Variants in IRAK1 observed in about 807,000 individuals in gnomAD.
The protein encoded by IRAK1 is interleukin-1 receptor-associated kinase 1.
In IRAK1, 9 loss-of-function variants were observed where a neutral mutation model predicts 49.8. The ratio of observed to expected loss-of-function variants is 0.18; its 90% CI spans 0.11 to 0.32. The LOEUF is 0.32. IRAK1 is among the 10% of genes least tolerant of loss of function. IRAK1 has a pLI of 1.00. For synonymous variants in IRAK1, 282 were observed against 270.8 expected (o/e 1.04, Z -0.41); for missense variants, 418 against 600.5 (o/e 0.70, Z 3.18).
chrX:154,010,939 A>G lies in IRAK1; in HGVS notation c.*920T>C, dbSNP rs1299231724. The stretch of plus-strand genomic sequence containing the variant: ...GATGGCCTGGCTTGCAGGCCACCAC[A>G]TTAGGCCAGCTCGCAGGTCCCCAGT... On this transcript the variant is annotated 3_prime_UTR_variant, in exon 14 of 14. Transcript: ENST00000369980. 2.1e-5 allele frequency: 7 copies of G among 340,573 alleles called. No individual in the cohort carries two copies. The highest frequency in any genetic ancestry group is 4.1e-5 in the Non-Finnish European group (7 of 169,819). The allele number at this position is 340,573 out of a possible 1,213,427, so 28.1% of individuals were successfully genotyped here. A position where few individuals can be genotyped will look rare whatever the true frequency, so the allele number is the denominator to read the frequency against.
intron 6 of IRAK1, 76 bp from the exon 7 acceptor site, chrX:154,018,196 G>C: frequency 9.5e-7 from 1 of 1,053,575 alleles, no homozygotes; most frequent in South Asian, 1.9e-5. Flanking sequence ...AGCTCGCCCG[G>C]GCCTGCCAGG....
At chrX:154,012,759 G>A in intron 12 of IRAK1, 81 bp from the exon 13 acceptor site, 1 of 1,060,429 alleles carries the variant, frequency 9.4e-7, no homozygotes, top group Non-Finnish European at 1.3e-6. Context: ...CCTGGCCTCA[G>A]GCCTGAATTC....
Position 154,011,573 on chromosome X carries a change from C to T in IRAK1, c.*286G>A, listed in dbSNP as rs1446955763. ...ACACCCCTGCACAGCAGCCCCTCTC[C>T]TCCCCTCACGGGTCTGTGCAGCCAG... On this transcript the variant is annotated 3_prime_UTR_variant, in exon 14 of 14. Transcript: ENST00000369980. 1 of 408,208 alleles carries T rather than the reference C, an allele frequency of 2.4e-6. No homozygotes were observed. Among genetic ancestry groups the T allele is most frequent in the Non-Finnish European group, 4.4e-6 (1 of 228,032 alleles). 33.6% of individuals were successfully genotyped at this position (408,208 alleles called of 1,213,427 possible).
chrX:154,016,214 G>A, intron 9 of IRAK1, 117 bp from the exon 10 acceptor site: 2 of 675,389 alleles, frequency 3.0e-6, no homozygotes, highest in South Asian at 2.3e-5. Flanking sequence ...GATGTTATGG[G>A]ACTGAAGCTC....
chrX:154,018,626 C>T lies in IRAK1; in HGVS notation c.702G>A (p.Thr234=), dbSNP rs1356710010. ...CCTTCAGCCTCTTCACAGCATACAC[C>T]GTGTTCCTCATCACCGCCCGGTACA... ...GCVYRAVMRN[T]VYAVKRLKEN... Residue 234 remains threonine, a synonymous_variant, in exon 5 of 14, where the codon ACG becomes ACA. Transcript: ENST00000369980. 8.3e-6 allele frequency: 10 copies of T among 1,209,757 alleles called. No individual in the cohort carries two copies. Among genetic ancestry groups the T allele is most frequent in the Non-Finnish European group, 1.1e-5 (10 of 893,877 alleles).
intron 10 of IRAK1, 24 bp downstream of exon 10, chrX:154,016,008 C>T: frequency 8.4e-7 from 1 of 1,189,941 alleles, no homozygotes; most frequent in Non-Finnish European, 1.1e-6. Flanking sequence ...TGTGTCCCTC[C>T]TGGCCCTGCC....
At chrX:154,016,892 G>T in intron 8 of IRAK1, 57 bp downstream of exon 8, 3 of 900,867 alleles carry the variant, frequency 3.3e-6, no homozygotes, top group Non-Finnish European at 4.9e-6. Flanking sequence ...TTGATAGGAC[G>T]CGGGGCCCCC....
At chrX:154,014,411 T>C (rs2065725001) in intron 10 of IRAK1, 133 bp from the exon 11 acceptor site, 5 of 678,881 alleles carry the variant, frequency 7.4e-6, no homozygotes, top group Non-Finnish European at 1.1e-5. Flanking sequence ...GGTCTCGCTT[T>C]GTTGGCCTGG....
Position 154,017,005 on chromosome X carries a change from C to T in IRAK1, c.972G>A (p.Arg324=), listed in dbSNP as rs1444485954. The T allele has an allele frequency of 1.1e-5, 13 of 1,209,625 alleles. No homozygotes were observed. The Admixed American group carries it at 2.8e-4, about 26-fold the overall frequency. The change falls in exon 8 of 14, where the codon CGG becomes CGA. Residue 324 remains arginine (R), a synonymous_variant. Coordinates refer to ENST00000369980, the MANE Select transcript of IRAK1 (RefSeq NM_001569.4). The stretch of plus-strand genomic sequence containing the variant: ...TGTCCTGATGTAGAAACTGAATTGC[C>T]CGGGCTGTACCCAGAAGGATGTCCA... ...QRLDILLGTA[R]AIQFLHQDSP...
chrX:154,016,695 C>T (rs782796949), intron 8 of IRAK1, 51 bp from the exon 9 acceptor site: 1 of 1,054,509 alleles, frequency 9.5e-7, no homozygotes, highest in Non-Finnish European at 1.3e-6. Context: ...CCTACACCTG[C>T]CCGGCTTAGA....
chrX:154,012,557 C>A lies in IRAK1; in HGVS notation c.2052G>T (p.Leu684=), dbSNP rs2065707143. 14 of 1,210,787 alleles carry A rather than the reference C, an allele frequency of 1.2e-5. No homozygotes were observed. Among genetic ancestry groups the A allele is most frequent in the Non-Finnish European group, 1.6e-5 (14 of 894,904 alleles). Reference sequence around the variant, plus strand: ...GGAGGGAGCTGGACGACAGCAGCTGCAGGCTGTCCAGGGCCCCATCCTCGT... The same window carrying A: ...GGAGGGAGCTGGACGACAGCAGCTGAAGGCTGTCCAGGGCCCCATCCTCGT... The part of the protein sequence containing the change: ...ALYEDGALDS[L]QLLSSSSLPG... The change falls in exon 13 of 14, where the codon CTG becomes CTT. Residue 684 remains leucine, a synonymous_variant. Transcript: ENST00000369980.
rs370137772 is a variant in IRAK1, at chrX:154,018,243, C to T, written c.794+48G>A. The T allele has an allele frequency of 6.1e-5, 65 of 1,070,169 alleles. 1 individual carries two copies. The African/African-American group carries it at 8.7e-4, about 14-fold the overall frequency. 88.2% of individuals were successfully genotyped at this position (1,070,169 alleles called of 1,213,427 possible). A position where few individuals can be genotyped will look rare whatever the true frequency, so the allele number is the denominator to read the frequency against. ...CAAGGGAGCCAGGTCCTGTGGTGTG[C>T]GGTCTGAAGCCCCACGGGACCTGGT... is the stretch of plus-strand genomic sequence containing the variant. On this transcript the variant is annotated intron_variant, in intron 6 of 13. Coordinates refer to ENST00000369980, the MANE Select transcript of IRAK1 (RefSeq NM_001569.4).
chrX:154,017,697 G>A (rs965575871), intron 7 of IRAK1, among the ~76,000 whole-genome samples: 2 of 107,285 alleles, frequency 1.9e-5, no homozygotes, highest in Non-Finnish European at 3.9e-5. Context: ...TCGGGAGGCT[G>A]CGGCAGGAGG....
rs2065715496 is a variant in IRAK1, at chrX:154,013,388, G to C, written c.1585C>G (p.Pro529Ala). ...EKLQAVVAGV[P>A]GHSEAASCIP... ...CAGCTGGCGGCCTCCGAATGCCCGG[G>C]CACCCCCGCCACCACTGCCTGCAGC... Residue 529 changes from proline (P) to alanine (A), a missense_variant, in exon 12 of 14, where the codon CCC becomes GCC. Transcript: ENST00000369980. The C allele has an allele frequency of 8.3e-7, 1 of 1,198,539 alleles. No homozygotes were observed. Among genetic ancestry groups the C allele is most frequent in the African/African-American group, 1.8e-5 (1 of 56,792 alleles).
chrX:154,016,960 T>A lies in IRAK1; in HGVS notation c.1017A>T (p.Gly339=). The A allele has an allele frequency of 8.4e-7, 1 of 1,194,754 alleles. No homozygotes were observed. ...GGGCCCCTCCTCACCTCTTGATGTCTCCATGGATGAGGCTGGGGCTGTCCT... is the reference window on the plus strand; with the variant it reads ...GGGCCCCTCCTCACCTCTTGATGTCACCATGGATGAGGCTGGGGCTGTCCT... ...LHQDSPSLIH[G]DIKSSNVLLD... Residue 339 remains glycine (G), a synonymous_variant, in exon 8 of 14, where the codon GGA becomes GGT. Transcript: ENST00000369980.
At chrX:154,016,722 G>T in intron 8 of IRAK1, 78 bp from the exon 9 acceptor site, 1 of 900,951 alleles carries the variant, frequency 1.1e-6, no homozygotes, top group South Asian at 2.3e-5. Flanking sequence ...TGGACTCGAG[G>T]CTGCCAGCCC....
chrX:154,012,086 C>T (rs935829665), intron 13 of IRAK1, among the ~76,000 whole-genome samples, 169 bp from the exon 14 acceptor site: 34 of 112,634 alleles, frequency 3.0e-4, no homozygotes, highest in African/African-American at 1.1e-3. Flanking sequence ...CTAACTGTCT[C>T]CCAGGCTGGA....
chrX:154,015,211 C>G (rs782316798), intron 10 of IRAK1, among the ~76,000 whole-genome samples: 6 of 112,230 alleles, frequency 5.3e-5, no homozygotes, highest in Admixed American at 3.7e-4. Flanking sequence ...ACCCCAAGAG[C>G]AGAGAAAAGG....
rs2065767544 is a variant in IRAK1 at position 154,019,614 on chromosome X, C to T, written c.137-16G>A. 3.1e-6 allele frequency: 3 copies of T among 983,370 alleles called. No individual in the cohort carries two copies. Among genetic ancestry groups the T allele is most frequent in the Admixed American group, 5.5e-5 (1 of 18,048 alleles). 81.0% of individuals were successfully genotyped at this position (983,370 alleles called of 1,213,427 possible). A position where few individuals can be genotyped will look rare whatever the true frequency, so the allele number is the denominator to read the frequency against. ...ATCAGGGCGGCTGCGGGGCGGGGGG[C>T]GTCAGGCGTCGGCGCCAGGAGCCCG... On this transcript the variant is annotated splice_polypyrimidine_tract_variant and intron_variant, in intron 1 of 13. Coordinates refer to ENST00000369980, the MANE Select transcript of IRAK1 (RefSeq NM_001569.4).
Sources: allele counts gnomAD v4.1 joint callset (sites outside exome capture counted in the v4.1 genomes callset), GRCh38; gene constraint gnomAD v4.1.1; transcripts MANE v1.5; gene names NCBI Gene and HGNC (gene_info 2026-07-23, HGNC 2026-07-21).